The following KHDRBS2 variants were observed in gnomAD, a reference collection of about 807,000 sequenced individuals.
KHDRBS2 encodes the protein KH RNA binding domain containing, signal transduction associated 2, also known as KH domain-containing, RNA-binding, signal transduction-associated protein 2.
KHDRBS2 carries 26 observed loss-of-function variants against 44.3 expected under a neutral mutation model. The observed-to-expected ratio is 0.59, with a 90% CI of 0.43 to 0.81. The LOEUF is 0.81. Among genes scored for constraint, KHDRBS2 ranks in the 40% least tolerant of loss-of-function variants. The pLI is 0.00. For missense variants in KHDRBS2, 476 were observed against 433.1 expected, an observed-to-expected ratio of 1.10 and a Z score of -0.88; for synonymous variants, 194 against 151.1, an observed-to-expected ratio of 1.28 and a Z score of -2.08.
At chr6:62,241,267 G>A (rs780045718) in intron 1 of KHDRBS2, among the ~76,000 whole-genome samples, 2 of 152,018 alleles carry the variant, frequency 1.3e-5, no homozygotes, top group Admixed American at 6.6e-5. Flanking sequence ...ACTACATATC[G>A]TATAAGGATG....
intron 6 of KHDRBS2, among the ~76,000 whole-genome samples, chr6:61,871,575 G>A (rs1798668372): frequency 2.0e-5 from 3 of 152,130 alleles, no homozygotes; most frequent in Non-Finnish European, 1.5e-5. Context: ...AGGTTGAAAT[G>A]AAGGAAAAAC....
At chr6:61,661,441 T>C in the KHDRBS2 span, 2 of 151,910 alleles carry the variant, frequency 1.3e-5, no homozygotes, top group Non-Finnish European at 2.9e-5. Context: ...CATTCTCATA[T>C]TGGATGTCAA....
chr6:61,823,431 C>A (rs1790316027), intron 6 of KHDRBS2, among the ~76,000 whole-genome samples: 1 of 151,984 alleles, frequency 6.6e-6, no homozygotes, highest in Admixed American at 6.6e-5. Flanking sequence ...TAAAGAAGTC[C>A]TCTCTTTATA....
chr6:62,024,830 C>T (rs1782999838), intron 3 of KHDRBS2, among the ~76,000 whole-genome samples: 2 of 151,442 alleles, frequency 1.3e-5, no homozygotes, highest in South Asian at 4.1e-4. Flanking sequence ...TACAGGATTT[C>T]TTGTAACAGT....
the KHDRBS2 span, among the ~76,000 whole-genome samples, chr6:61,574,586 C>T: frequency 2.0e-5 from 3 of 152,050 alleles, no homozygotes; most frequent in Non-Finnish European, 2.9e-5. Context: ...TTACCACGTA[C>T]AATTGATCCA....
chr6:61,606,465 A>C, the KHDRBS2 span, among the ~76,000 whole-genome samples: 3 of 152,326 alleles, frequency 2.0e-5, no homozygotes, highest in East Asian at 5.8e-4. Flanking sequence ...GGAAGGAGAA[A>C]CAGGAGAAAA....
At chr6:61,916,421 A>T (rs932909566) in intron 4 of KHDRBS2, among the ~76,000 whole-genome samples, 2 of 150,616 alleles carry the variant, frequency 1.3e-5, no homozygotes, top group Non-Finnish European at 3.0e-5. Context: ...TGGTATATTT[A>T]TACATATATA....
rs1437585203 is a variant in KHDRBS2 at position 62,052,710 on chromosome 6, C to T, written c.220-4716G>A. ...GGCATTAAGATTCTCATAAGGAATG[C>T]AAAACCCAGATCGCTTGCATGTGCA... On this transcript the variant is annotated intron_variant, in intron 2 of 8. Coordinates refer to ENST00000281156, the MANE Select transcript of KHDRBS2 (RefSeq NM_152688.4). 2.0e-5 allele frequency among the ~76,000 whole-genome samples: 3 copies of T among 151,988 alleles called. No individual in the cohort carries two copies. In the East Asian group the frequency reaches 5.9e-4, roughly 30 times the overall value.
chr6:61,818,927 C>A (rs1422402597), intron 6 of KHDRBS2, among the ~76,000 whole-genome samples: 8 of 151,890 alleles, frequency 5.3e-5, no homozygotes. Flanking sequence ...AGAAAATATA[C>A]ATTCTTATGT....
At chr6:61,848,541 GTATATATATACATATATATATGTA>G (rs1562294887) in intron 6 of KHDRBS2, among the ~76,000 whole-genome samples, 15 of 33,340 alleles carry the variant, frequency 4.5e-4, no homozygotes, top group South Asian at 2.9e-3. Flanking sequence ...ACATATATAT[GTATATATATACATATATATATGTA>G]TATATATATA....
chr6:61,783,776 A>C (rs1783385765), intron 6 of KHDRBS2, among the ~76,000 whole-genome samples: 1 of 152,052 alleles, frequency 6.6e-6, no homozygotes, highest in Admixed American at 6.6e-5. Context: ...TATGTATAGG[A>C]GATTAATAAT....
chr6:62,035,323 G>A (rs548417712), intron 3 of KHDRBS2, among the ~76,000 whole-genome samples: 2 of 152,088 alleles, frequency 1.3e-5, no homozygotes, highest in South Asian at 2.1e-4. Context: ...AAAAATGAAT[G>A]AGATTCTGTC....
intron 6 of KHDRBS2, among the ~76,000 whole-genome samples, chr6:61,819,953 T>C (rs1789619312): frequency 1.3e-5 from 2 of 152,026 alleles, no homozygotes; most frequent in Admixed American, 1.3e-4. Flanking sequence ...AAAAGCATTG[T>C]CAAACACCCT....
intron 2 of KHDRBS2, among the ~76,000 whole-genome samples, chr6:62,066,038 T>C (rs567789835): frequency 2.3e-4 from 35 of 151,790 alleles, no homozygotes; most frequent in Middle Eastern, 3.4e-3. Context: ...AGTCCTTAAA[T>C]GTATTCAAAG....
chr6:61,940,418 G>A (rs918891661), intron 4 of KHDRBS2, among the ~76,000 whole-genome samples: 8 of 151,942 alleles, frequency 5.3e-5, no homozygotes, highest in African/African-American at 1.2e-4. Flanking sequence ...AATCCTCGCC[G>A]GCCCTACAAC....
At position 61,733,313 on chromosome 6, in the gene KHDRBS2, G is replaced by A. The variant is rs181625925; in HGVS notation, c.811-549C>T. Reference sequence around the variant, plus strand: ...GGAGTGAAATAAAGACTTCGTGGCCGGGCCTGGCGGCTCATGCCTGTAATC... The same window carrying A: ...GGAGTGAAATAAAGACTTCGTGGCCAGGCCTGGCGGCTCATGCCTGTAATC... On this transcript the variant is annotated intron_variant, in intron 6 of 8. Coordinates refer to ENST00000281156, the MANE Select transcript of KHDRBS2 (RefSeq NM_152688.4). Among the ~76,000 whole-genome samples, 91 of 152,216 alleles carry A rather than the reference G, an allele frequency of 6.0e-4. No homozygotes were observed. In the Middle Eastern group the frequency reaches 0.01, roughly 17 times the overall value.
At chr6:62,186,971 CA>C (rs768539632) in intron 1 of KHDRBS2, among the ~76,000 whole-genome samples, 40 of 151,258 alleles carry the variant, frequency 2.6e-4, no homozygotes, top group African/African-American at 7.5e-4. Context: ...TTCAACACAA[CA>C]AAAAAAAATT....
intron 2 of KHDRBS2, among the ~76,000 whole-genome samples, chr6:62,070,806 G>A (rs543985601): frequency 6.6e-6 from 1 of 152,268 alleles, no homozygotes; most frequent in African/African-American, 2.4e-5. Context: ...ACATACGTGT[G>A]CATGTGTCTT....
rs375061014 is a variant in KHDRBS2, at chr6:61,733,258, G to T, written c.811-494C>A. Among the ~76,000 whole-genome samples, 341 of 151,792 alleles carry T rather than the reference G, an allele frequency of 2.2e-3. 2 individuals carry two copies. Among genetic ancestry groups the T allele is most frequent in the African/African-American group, 8.0e-3 (332 of 41,464 alleles). Reference sequence around the variant, plus strand: ...TTACTGATTAAATAAATAAATAAAAGAAAAAAAGAGGGAACTAAAAAGGAA... The same window carrying T: ...TTACTGATTAAATAAATAAATAAAATAAAAAAAGAGGGAACTAAAAAGGAA... On this transcript the variant is annotated intron_variant, in intron 6 of 8. Coordinates refer to ENST00000281156, the MANE Select transcript of KHDRBS2 (RefSeq NM_152688.4).
Sources: gnomAD v4.1 joint callset for allele counts (sites outside exome capture counted in the v4.1 genomes callset) on GRCh38, gnomAD v4.1.1 for gene constraint, MANE v1.5 for transcripts, NCBI Gene and HGNC (gene_info 2026-07-23, HGNC 2026-07-21) for gene names.